HERC1: variants seen among roughly 807,000 people sequenced by gnomAD.
The protein encoded by HERC1 is probable E3 ubiquitin-protein ligase HERC1.
In HERC1, 160 loss-of-function variants were observed where a neutral mutation model predicts 554.3. The ratio of observed to expected loss-of-function variants is 0.29; its 90% confidence interval spans 0.25 to 0.33. The LOEUF is 0.33. Ranked by LOEUF, HERC1 falls within the 10% of genes least tolerant of loss-of-function variation. The pLI, the probability that HERC1 is intolerant of heterozygous loss-of-function variation, is 1.00. For missense variants in HERC1, 4,919 were observed against 5,918.5 expected, an observed-to-expected ratio of 0.83 and a Z score of 5.54; for synonymous variants, 2,175 against 2,131.7, an observed-to-expected ratio of 1.02 and a Z score of -0.56.
chr15:63,754,890 ACTTAC>A (rs1394375459), intron 6 of HERC1, among the ~76,000 whole-genome samples: 3 of 152,134 alleles, frequency 2.0e-5, no homozygotes, highest in Non-Finnish European at 4.4e-5. Context: ...CCCTCACAGC[ACTTAC>A]CTTGTGTTGT....
At chr15:63,762,438 C>A (rs1367913916) in intron 3 of HERC1, among the ~76,000 whole-genome samples, 1 of 152,152 alleles carries the variant, frequency 6.6e-6, no homozygotes, top group Non-Finnish European at 1.5e-5. Context: ...ATTCTCCTGC[C>A]TCAGCCTCCT....
rs1405545632 is a variant in HERC1, at chr15:63,686,521, C to T, written c.6063G>A (p.Leu2021=). The T allele has an allele frequency of 6.2e-7, 1 of 1,612,552 alleles. No homozygotes were observed. Among genetic ancestry groups the T allele is most frequent in the East Asian group, 2.2e-5 (1 of 44,876 alleles). ...QEIKLQKQGE[L]EEEDENLPIQ... is the part of the protein sequence containing the mutation. Reference sequence around the variant, plus strand: ...TAGGAAGATTCTCATCTTCTTCTTCCAACTCGCCCTGCTTCTACCAGAAAA... The same window carrying T: ...TAGGAAGATTCTCATCTTCTTCTTCTAACTCGCCCTGCTTCTACCAGAAAA... The change falls in exon 34 of 78, where the codon TTG becomes TTA. Residue 2021 remains leucine, a synonymous_variant. Transcript: ENST00000443617.
In HERC1 at chr15:63,756,855, C is replaced by A; in HGVS notation, c.1222-107G>T. On this transcript the variant is annotated intron_variant, in intron 4 of 77. Transcript: ENST00000443617. The surrounding 1 kb of genome is among the most constrained non-coding windows in gnomAD (Gnocchi z 5.0). ...TCAAAGGAAGTCTTTTAGCAGGATA[C>A]GGCATGATTCTCCAGAGAGATTAAG... The A allele has an allele frequency of 1.5e-6, 1 of 661,594 alleles. No homozygotes were observed. Among genetic ancestry groups the A allele is most frequent in the Non-Finnish European group, 2.5e-6 (1 of 399,636 alleles). The allele number at this position is 661,594 out of a possible 1,614,324, so 41.0% of individuals were successfully genotyped here. A position where few individuals can be genotyped will look rare whatever the true frequency, so the allele number is the denominator to read the frequency against.
At chr15:63,772,871 C>T (rs1170566461) in intron 2 of HERC1, among the ~76,000 whole-genome samples, 1 of 152,086 alleles carries the variant, frequency 6.6e-6, no homozygotes, top group African/African-American at 2.4e-5. Context: ...GATCTAAAAT[C>T]CCCAAGTACT....
In HERC1 at chr15:63,756,841, C is replaced by T; in HGVS notation, c.1222-93G>A. ...TTTATCAAAGAGCCTCAAAGGAAGT[C>T]TTTTAGCAGGATACGGCATGATTCT... On this transcript the variant is annotated intron_variant, in intron 4 of 77. Transcript: ENST00000443617. This position sits in a 1 kb window ranked among gnomAD's most constrained non-coding sequence, Gnocchi z 5.0. 1 of 755,032 alleles carries T rather than the reference C, an allele frequency of 1.3e-6. No individual in the cohort carries two copies. Among genetic ancestry groups the T allele is most frequent in the South Asian group, 2.0e-5 (1 of 50,634 alleles). The allele number at this position is 755,032 out of a possible 1,614,324, so 46.8% of individuals were successfully genotyped here.
chr15:63,747,980 C>T (rs1048513184), intron 10 of HERC1, 122 bp from the exon 11 acceptor site: 3 of 908,318 alleles, frequency 3.3e-6, no homozygotes, highest in Non-Finnish European at 4.8e-6. Flanking sequence ...AATCCTAGCA[C>T]TTTGGGAGGC....
In HERC1 at chr15:63,774,733, G is replaced by C; in HGVS notation, c.891C>G (p.Asp297Glu). ...TCTGCATTAATATGGTCATAAAGCA[G>C]TCAAAGCTGATCATTCCTTCCTGGC... ...LSSQEGMISF[D>E]CFMTILMQMR... Residue 297 changes from aspartate to glutamate, a missense_variant, in exon 2 of 78, where the codon GAC (aspartate) becomes GAG (glutamate). This residue lies in a region of HERC1 where 744 missense variants were observed against 1,090.0 expected (regional missense o/e 0.68). Coordinates refer to ENST00000443617, the MANE Select transcript of HERC1 (RefSeq NM_003922.4). 1.2e-6 allele frequency: 2 copies of C among 1,613,762 alleles called. No homozygotes were observed. The highest frequency in any genetic ancestry group is 8.5e-7 in the Non-Finnish European group (1 of 1,179,778).
chr15:63,654,342 T>C lies in HERC1; in HGVS notation c.10085-18A>G, dbSNP rs1298875903. On this transcript the variant is annotated intron_variant, in intron 50 of 77. Coordinates refer to ENST00000443617, the MANE Select transcript of HERC1 (RefSeq NM_003922.4). ...CAGAGGGCCTACAGCAGAAGGATCA[T>C]AGGAAGGATGGGCATACAATTGGGC... 1.6e-5 allele frequency: 26 copies of C among 1,594,034 alleles called. No individual in the cohort carries two copies. Among genetic ancestry groups the C allele is most frequent in the Non-Finnish European group, 2.2e-5 (26 of 1,165,852 alleles).
At chr15:63,642,904 C>G in intron 59 of HERC1, 53 bp downstream of exon 59, 1 of 1,101,068 alleles carries the variant, frequency 9.1e-7, no homozygotes, top group East Asian at 2.4e-5. Flanking sequence ...ACTATGATTT[C>G]TAAAGTTCCT....
chr15:63,646,044 T>A (rs1267011646), intron 55 of HERC1, among the ~76,000 whole-genome samples: 3 of 152,148 alleles, frequency 2.0e-5, no homozygotes, highest in Non-Finnish European at 4.4e-5. Context: ...AGAAGAGACT[T>A]AAAAAAATGC....
intron 1 of HERC1, among the ~76,000 whole-genome samples, chr15:63,817,880 A>T (rs888060352): frequency 6.6e-6 from 1 of 151,992 alleles, no homozygotes; most frequent in African/African-American, 2.4e-5. Context: ...ATATATTTAA[A>T]ATATACTATA....
intron 65 of HERC1, 140 bp from the exon 66 acceptor site, chr15:63,635,028 T>G (rs142553976): frequency 2.2e-5 from 13 of 580,522 alleles, no homozygotes; most frequent in African/African-American, 5.8e-5. Flanking sequence ...CCAATGCTTT[T>G]AAAAATTTTT....
chr15:63,768,232 A>G (rs760716930), intron 2 of HERC1, among the ~76,000 whole-genome samples: 1 of 152,152 alleles, frequency 6.6e-6, no homozygotes, highest in Non-Finnish European at 1.5e-5. Flanking sequence ...ATTATTTAGG[A>G]TGTTGCTTCT....
At chr15:63,641,771 A>G in intron 59 of HERC1, 128 bp from the exon 60 acceptor site, 1 of 725,518 alleles carries the variant, frequency 1.4e-6, no homozygotes, top group African/African-American at 1.8e-5. Flanking sequence ...TTATATCCAA[A>G]AAGGCTATGC....
In HERC1 at chr15:63,656,173, C is replaced by T. The variant is rs2070023236; in HGVS notation, c.9785G>A (p.Cys3262Tyr). 1.2e-6 allele frequency: 2 copies of T among 1,612,548 alleles called. No homozygotes were observed. The highest frequency in any genetic ancestry group is 1.7e-6 in the Non-Finnish European group (2 of 1,179,284). Residue 3262 changes from cysteine (C) to tyrosine (Y), a missense_variant, in exon 49 of 78, where the codon TGC (cysteine) becomes TAC (tyrosine). By Grantham distance (194) the Cys-to-Tyr change is radical. Transcript: ENST00000443617. ...CACTGCTGTGCTCAAATAGGCCAGGCAAGAGATAGGCTTGTTAGCCTTGCT... is the reference window on the plus strand; with the variant it reads ...CACTGCTGTGCTCAAATAGGCCAGGTAAGAGATAGGCTTGTTAGCCTTGCT... ...GHSKANKPIS[C>Y]LAYLSTAVGC...
In HERC1 at chr15:63,692,442, A is replaced by T; in HGVS notation, c.5799T>A (p.Leu1933=). ...AACATTTCTGAGATGCTATATTTAG[A>T]AGCACTTCGGTCCACTTTGGGGAAG... ...KMASPKWTEV[L]LNIASQKCSS... The change falls in exon 31 of 78, where the codon CTT becomes CTA. Residue 1933 remains leucine (L), a synonymous_variant. Coordinates refer to ENST00000443617, the MANE Select transcript of HERC1 (RefSeq NM_003922.4). This position sits in a 1 kb window ranked among gnomAD's most constrained non-coding sequence, Gnocchi z 4.7. The T allele has an allele frequency of 6.2e-7, 1 of 1,611,430 alleles. No individual in the cohort carries two copies. The highest frequency in any genetic ancestry group is 8.5e-7 in the Non-Finnish European group (1 of 1,179,256).
Position 63,723,171 on chromosome 15 carries a change from CTT to C in HERC1, c.3742+9_3742+10del. 7.1e-7 allele frequency: 1 copy of C among 1,414,306 alleles called. No homozygotes were observed. 87.6% of individuals were successfully genotyped at this position (1,414,306 alleles called of 1,614,324 possible). ...ACTACAAATTTACTCCCTTTATCTT[CTT>C]TATCTTACCTTTACTAACAGCATAG... On this transcript the variant is annotated intron_variant, in intron 19 of 77. Coordinates refer to ENST00000443617, the MANE Select transcript of HERC1 (RefSeq NM_003922.4).
At chr15:63,641,079 G>A (rs934734397) in intron 60 of HERC1, among the ~76,000 whole-genome samples, 1 of 152,118 alleles carries the variant, frequency 6.6e-6, no homozygotes, top group Admixed American at 6.6e-5. Context: ...AAGTGGAGAC[G>A]ATATTCAGTC....
chr15:63,812,624 G>C (rs2077366600), intron 1 of HERC1, among the ~76,000 whole-genome samples: 3 of 152,204 alleles, frequency 2.0e-5, no homozygotes. Context: ...ATCCATCCCT[G>C]TGGAACTCAT....
Sources: gnomAD v4.1 joint callset for allele counts (sites outside exome capture counted in the v4.1 genomes callset) on GRCh38, gnomAD v4.1.1 for gene constraint, gnomAD v4.1.1 regional missense constraint, Gnocchi (gnomAD v3.1) non-coding constraint, MANE v1.5 for transcripts, NCBI Gene and HGNC (gene_info 2026-07-23, HGNC 2026-07-21) for gene names.